The following CLASP2 variants were observed in gnomAD, a reference collection of about 807,000 sequenced individuals.
The protein encoded by CLASP2 is cytoplasmic linker associated protein 2.
A neutral mutation model predicts 194.4 loss-of-function variants in CLASP2; 47 were observed. The ratio of observed to expected loss-of-function variants is 0.24; its 90% CI spans 0.19 to 0.31. The LOEUF (loss-of-function observed/expected upper bound fraction) is 0.31. Ranked by LOEUF, CLASP2 falls within the 10% of genes least tolerant of loss-of-function variation. The pLI, the probability that CLASP2 is intolerant of heterozygous loss-of-function variation, is 1.00. For synonymous variants in CLASP2, 619 were observed against 633.5 expected (o/e 0.98, Z 0.34); for missense variants, 1,445 against 1,823.6 (o/e 0.79, Z 3.78).
intron 35 of CLASP2, 108 bp from the exon 36 acceptor site, chr3:33,516,259 T>C (rs2051284365): frequency 2.0e-6 from 2 of 991,690 alleles, no homozygotes; most frequent in South Asian, 3.9e-5. Context: ...GAGTTGTAGA[T>C]AACTGCATAA....
intron 18 of CLASP2, among the ~76,000 whole-genome samples, chr3:33,599,566 A>G (rs1220190266): frequency 6.6e-6 from 1 of 152,208 alleles, no homozygotes; most frequent in African/African-American, 2.4e-5. Flanking sequence ...CAATAGACTG[A>G]GAGAGATTCA....
intron 1 of CLASP2, among the ~76,000 whole-genome samples, chr3:33,706,957 A>G (rs1206140883): frequency 6.6e-6 from 1 of 152,166 alleles, no homozygotes; most frequent in Non-Finnish European, 1.5e-5. Flanking sequence ...AAAGAGAGAG[A>G]GAGACCCTGT....
chr3:33,697,436 G>T (rs757605648), intron 1 of CLASP2, among the ~76,000 whole-genome samples: 1 of 152,136 alleles, frequency 6.6e-6, no homozygotes, highest in Non-Finnish European at 1.5e-5. Flanking sequence ...AATGGTATTT[G>T]CGTACCTAAA....
rs180744257 is a variant in CLASP2 at position 33,642,495 on chromosome 3, T to C, written c.862+2262A>G. Among the ~76,000 whole-genome samples, 18 of 152,052 alleles carry C rather than the reference T, an allele frequency of 1.2e-4. No homozygotes were observed. The East Asian group carries it at 3.1e-3, about 26-fold the overall frequency. On this transcript the variant is annotated intron_variant, in intron 8 of 38. Coordinates refer to ENST00000682230, the MANE Select transcript of CLASP2 (RefSeq NM_001365631.1). ...AAACAAATCATAATTTAGCAGTTGATTATGTCCATGTGTAGTGGCACGGCA... is the reference window on the plus strand; with the variant it reads ...AAACAAATCATAATTTAGCAGTTGACTATGTCCATGTGTAGTGGCACGGCA...
At chr3:33,539,973 A>G (rs1431283296) in intron 32 of CLASP2, among the ~76,000 whole-genome samples, 4 of 150,548 alleles carry the variant, frequency 2.7e-5, no homozygotes, top group Non-Finnish European at 5.9e-5. Context: ...GCTGGAGTGC[A>G]ATGGCGCAAC....
chr3:33,549,006 C>T (rs893785732), intron 30 of CLASP2, among the ~76,000 whole-genome samples: 1 of 151,766 alleles, frequency 6.6e-6, no homozygotes, highest in East Asian at 1.9e-4. Context: ...CTCCCAGCCT[C>T]AAGTGATCCT....
chr3:33,564,499 A>T (rs1286291479), intron 27 of CLASP2, among the ~76,000 whole-genome samples: 1 of 152,176 alleles, frequency 6.6e-6, no homozygotes, highest in African/African-American at 2.4e-5. Context: ...CTAAGTAGAA[A>T]TTTGTTTTGA....
chr3:33,643,424 G>A (rs568637560), intron 8 of CLASP2, among the ~76,000 whole-genome samples: 65 of 151,564 alleles, frequency 4.3e-4, no homozygotes, highest in African/African-American at 1.5e-3. Flanking sequence ...TTTTACTAGC[G>A]GTAAATAGGA....
At chr3:33,612,188 A>G in intron 12 of CLASP2, 117 bp from the exon 13 acceptor site, 1 of 650,048 alleles carries the variant, frequency 1.5e-6, no homozygotes, top group Non-Finnish European at 2.6e-6. Context: ...AAGACCAGAT[A>G]TTAGATTTGA....
intron 7 of CLASP2, among the ~76,000 whole-genome samples, chr3:33,651,135 C>A (rs201018121): frequency 6.6e-6 from 1 of 152,128 alleles, no homozygotes; most frequent in East Asian, 1.9e-4. Context: ...GTAATCCCAG[C>A]ACTTTGGGAG....
intron 10 of CLASP2, among the ~76,000 whole-genome samples, chr3:33,623,291 T>C (rs569447500): frequency 2.6e-5 from 4 of 152,280 alleles, no homozygotes; most frequent in Admixed American, 6.5e-5. Context: ...ACTCTTTTAG[T>C]TATTTTGAAA....
chr3:33,638,283 T>C (rs983405964), intron 8 of CLASP2, among the ~76,000 whole-genome samples: 14 of 152,224 alleles, frequency 9.2e-5, no homozygotes, highest in African/African-American at 3.1e-4. Flanking sequence ...AGAATGATTT[T>C]CATTCTTTTT....
intron 18 of CLASP2, among the ~76,000 whole-genome samples, chr3:33,598,220 C>A (rs958379160): frequency 6.6e-6 from 1 of 151,892 alleles, no homozygotes; most frequent in African/African-American, 2.4e-5. Context: ...GCCATGAGTG[C>A]CCCACCTCTT....
At chr3:33,586,428 T>C (rs1401908176) in intron 21 of CLASP2, among the ~76,000 whole-genome samples, 1 of 152,072 alleles carries the variant, frequency 6.6e-6, no homozygotes, top group African/African-American at 2.4e-5. Flanking sequence ...CCACCACGCC[T>C]GGCCTCTTTT....
intron 29 of CLASP2, 61 bp downstream of exon 29, chr3:33,559,246 T>C (rs1436538591): frequency 1.9e-6 from 2 of 1,036,308 alleles, no homozygotes; most frequent in Non-Finnish European, 2.9e-6. Context: ...AATATCAACA[T>C]AACTTTATTA....
intron 18 of CLASP2, among the ~76,000 whole-genome samples, chr3:33,597,941 C>T (rs559959187): frequency 2.6e-5 from 4 of 151,728 alleles, no homozygotes; most frequent in South Asian, 2.1e-4. Context: ...TTAGTAGAGA[C>T]GAGGTTTCAC....
rs538453917 is a variant in CLASP2 at position 33,716,360 on chromosome 3, A to G, written c.195+1448T>C. On this transcript the variant is annotated intron_variant, in intron 1 of 38. Transcript: ENST00000682230. ...CCGAGTAGAAGTAGGGCTTAGAGGC[A>G]TAACAGAAAACTAGCATACTGTGGT... Among the ~76,000 whole-genome samples, 15 of 152,350 alleles carry G rather than the reference A, an allele frequency of 9.8e-5. No individual in the cohort carries two copies. In the East Asian group the frequency reaches 1.2e-3, roughly 12 times the overall value.
intron 37 of CLASP2, among the ~76,000 whole-genome samples, chr3:33,506,467 C>G (rs1445820052): frequency 7.0e-6 from 1 of 142,682 alleles, no homozygotes; most frequent in African/African-American, 2.6e-5. Flanking sequence ...TTCTAAAGTA[C>G]TGAAAGTAAG....
intron 18 of CLASP2, among the ~76,000 whole-genome samples, chr3:33,599,647 T>G (rs545016839): frequency 6.6e-6 from 1 of 152,150 alleles, no homozygotes; most frequent in African/African-American, 2.4e-5. Context: ...TGCTGAAAAC[T>G]AACAGAACAC....
Sources: gnomAD v4.1 joint callset for allele counts (sites outside exome capture counted in the v4.1 genomes callset) on GRCh38, gnomAD v4.1.1 for gene constraint, MANE v1.5 for transcripts, NCBI Gene and HGNC (gene_info 2026-07-23, HGNC 2026-07-21) for gene names.